INTS7: variants seen among roughly 807,000 people sequenced by gnomAD.
The protein encoded by INTS7 is chromosome 1 open reading frame 73.
Under a neutral mutation model 109.2 loss-of-function variants are expected in INTS7, and 46 were observed. The ratio of observed to expected loss-of-function variants is 0.42; its 90% CI spans 0.33 to 0.54. The LOEUF (loss-of-function observed/expected upper bound fraction) is 0.54. Ranked by LOEUF, INTS7 falls within the 20% of genes least tolerant of loss-of-function variation. INTS7 has a pLI of 0.07. For synonymous variants in INTS7, 412 were observed against 402.9 expected (o/e 1.02, Z -0.27); for missense variants, 929 against 1,132.4 (o/e 0.82, Z 2.58).
intron 15 of INTS7, 111 bp from the exon 16 acceptor site, chr1:211,966,609 C>A: frequency 1.5e-6 from 1 of 677,494 alleles, no homozygotes; most frequent in South Asian, 1.7e-5. Flanking sequence ...TGAAGGTAAT[C>A]ATAATGTTAT....
At chr1:212,017,122 T>C in intron 3 of INTS7, 99 bp from the exon 4 acceptor site, 3 of 889,928 alleles carry the variant, frequency 3.4e-6, no homozygotes, top group Non-Finnish European at 5.0e-6. Flanking sequence ...AACTAAAGTT[T>C]ATAGGTAATT....
At position 211,941,710 on chromosome 1, in the gene INTS7, T is replaced by C; in HGVS notation, c.*114A>G. 1 of 1,443,692 alleles carries C rather than the reference T, an allele frequency of 6.9e-7. No homozygotes were observed. Among genetic ancestry groups the C allele is most frequent in the South Asian group, 1.4e-5 (1 of 71,806 alleles). The allele number at this position is 1,443,692 out of a possible 1,614,324, so 89.4% of individuals were successfully genotyped here. A position where few individuals can be genotyped will look rare whatever the true frequency, so the allele number is the denominator to read the frequency against. ...TTTCCAGAATATTACATTACAAAAA[T>C]CAATGAATAAATGAACTACACTGTA... On this transcript the variant is annotated 3_prime_UTR_variant, in exon 20 of 20. Transcript: ENST00000366994.
At chr1:211,958,613 C>T (rs1055831223) in intron 16 of INTS7, among the ~76,000 whole-genome samples, 2 of 152,092 alleles carry the variant, frequency 1.3e-5, no homozygotes, top group South Asian at 2.1e-4. Flanking sequence ...TTCTGTTCCC[C>T]CTTTCCCTCT....
chr1:212,034,809 C>CAGAA (rs1667348679), intron 1 of INTS7, among the ~76,000 whole-genome samples: 1 of 152,184 alleles, frequency 6.6e-6, no homozygotes. Flanking sequence ...CAAGCTGCTC[C>CAGAA]CTGTACGGCA....
In INTS7 at chr1:212,020,642, G is replaced by A. The variant is rs965167818; in HGVS notation, c.225-374C>T. 46 of 549,580 alleles carry A rather than the reference G, an allele frequency of 8.4e-5. No individual in the cohort carries two copies. In the African/African-American group the frequency reaches 9.4e-4, roughly 11 times the overall value. 34.0% of individuals were successfully genotyped at this position (549,580 alleles called of 1,614,324 possible). ...GTATTGTGTGCATATGAGCACGAGT[G>A]CATGGAGAATGGCAGAAAGCAGCAG... On this transcript the variant is annotated intron_variant, in intron 2 of 19. Coordinates refer to ENST00000366994, the MANE Select transcript of INTS7 (RefSeq NM_015434.4).
intron 7 of INTS7, among the ~76,000 whole-genome samples, chr1:211,991,560 G>A (rs1276666619): frequency 6.6e-6 from 1 of 152,202 alleles, no homozygotes; most frequent in Non-Finnish European, 1.5e-5. Context: ...ACATGAATGT[G>A]TTGGCATTTA....
chr1:211,996,011 G>T (rs986770859), intron 7 of INTS7, among the ~76,000 whole-genome samples: 5 of 152,194 alleles, frequency 3.3e-5, no homozygotes, highest in Non-Finnish European at 5.9e-5. Context: ...ATAAACTGGA[G>T]TGAGAAACTA....
intron 13 of INTS7, among the ~76,000 whole-genome samples, chr1:211,970,061 T>C (rs1357649947): frequency 6.6e-6 from 1 of 152,140 alleles, no homozygotes; most frequent in African/African-American, 2.4e-5. Flanking sequence ...TCTCACTATG[T>C]TGCTCAGGCT....
intron 7 of INTS7, among the ~76,000 whole-genome samples, chr1:211,998,061 C>T (rs564950859): frequency 2.0e-5 from 3 of 152,246 alleles, no homozygotes; most frequent in Non-Finnish European, 2.9e-5. Flanking sequence ...TGGCCTCAAG[C>T]GATCCCGCCA....
chr1:211,968,773 C>T, intron 13 of INTS7, 66 bp from the exon 14 acceptor site: 2 of 1,272,362 alleles, frequency 1.6e-6, no homozygotes, highest in Non-Finnish European at 1.1e-6. Flanking sequence ...GGGGCAGTAC[C>T]AAGTATTTAT....
At position 212,034,042 on chromosome 1, in the gene INTS7, C is replaced by CA. The variant is rs574470314; in HGVS notation, c.94+1301dup. On this transcript the variant is annotated intron_variant, in intron 1 of 19. Transcript: ENST00000366994. ...AGGTTGCAGTGAGCCGAGATGGCGC[C>CA]ACTGCACTCTAGCCTGGGCAACAGA... Among the ~76,000 whole-genome samples, 195 of 151,874 alleles carry CA rather than the reference C, an allele frequency of 1.3e-3. 1 individual carries two copies. The highest frequency in any genetic ancestry group is 0.01 in the Middle Eastern group (3 of 294).
intron 10 of INTS7, among the ~76,000 whole-genome samples, chr1:211,979,760 G>A (rs528497517): frequency 9.9e-5 from 15 of 152,234 alleles, no homozygotes; most frequent in African/African-American, 3.6e-4. Context: ...CAGTCATTGG[G>A]CTCAAACAAT....
In INTS7 at chr1:211,941,514, T is replaced by C. The variant is rs1662627572; in HGVS notation, c.*310A>G. 1 of 267,102 alleles carries C rather than the reference T, an allele frequency of 3.7e-6. No individual in the cohort carries two copies. Among genetic ancestry groups the C allele is most frequent in the Non-Finnish European group, 7.1e-6 (1 of 140,716 alleles). 16.5% of individuals were successfully genotyped at this position (267,102 alleles called of 1,614,324 possible). On this transcript the variant is annotated 3_prime_UTR_variant, in exon 20 of 20. Transcript: ENST00000366994. ...CTGGGACTACAGGCGCCTGCCACCATGCTTGGCTAATTTTTTTGTATTTTT... is the reference window on the plus strand; with the variant it reads ...CTGGGACTACAGGCGCCTGCCACCACGCTTGGCTAATTTTTTTGTATTTTT...
At chr1:212,007,488 C>G (rs1325352666) in intron 5 of INTS7, 39 bp from the exon 6 acceptor site, 23 of 1,481,398 alleles carry the variant, frequency 1.6e-5, no homozygotes, top group Non-Finnish European at 2.2e-5. Flanking sequence ...TTGTGATCAC[C>G]ATCCTTAATA....
rs1664016306 is a variant in INTS7 at position 211,968,568 on chromosome 1, G to T, written c.1955C>A (p.Thr652Lys). The change falls in exon 14 of 20, where the codon ACA becomes AAA. Residue 652 changes from threonine (T) to lysine (K), a missense_variant. Coordinates refer to ENST00000366994, the MANE Select transcript of INTS7 (RefSeq NM_015434.4). ...KTSPPPAIAT[T>K]IAMTLGNDLQ... ...GTCATTTCCTAAGGTCATGGCAATTGTTGTGGCAATTGCAGGTGGTGGGCT... is the reference window on the plus strand; with the variant it reads ...GTCATTTCCTAAGGTCATGGCAATTTTTGTGGCAATTGCAGGTGGTGGGCT... 20 of 1,614,074 alleles carry T rather than the reference G, an allele frequency of 1.2e-5. No individual in the cohort carries two copies. The highest frequency in any genetic ancestry group is 1.3e-5 in the Non-Finnish European group (15 of 1,179,994).
intron 9 of INTS7, 66 bp downstream of exon 9, chr1:211,982,610 C>T: frequency 7.7e-7 from 1 of 1,301,900 alleles, no homozygotes; most frequent in Non-Finnish European, 1.0e-6. Flanking sequence ...AAAAAAAAAT[C>T]AAACAGAATT....
At chr1:212,012,777 T>A (rs3009989) in intron 4 of INTS7, among the ~76,000 whole-genome samples, 115,194 of 151,584 alleles carry the variant, frequency 0.76, 44,146 homozygotes, top group South Asian at 0.8. Context: ...ACCAGTAATT[T>A]TGCAGAGTGA....
intron 4 of INTS7, among the ~76,000 whole-genome samples, chr1:212,015,174 C>G (rs1377608494): frequency 6.7e-6 from 1 of 149,236 alleles, no homozygotes; most frequent in Non-Finnish European, 1.5e-5. Flanking sequence ...AGTGAGGAGC[C>G]CCTCTGCCCA....
chr1:212,028,073 C>T lies in INTS7; in HGVS notation c.95-6861G>A, dbSNP rs148369524. On this transcript the variant is annotated intron_variant, in intron 1 of 19. Coordinates refer to ENST00000366994, the MANE Select transcript of INTS7 (RefSeq NM_015434.4). ...AACTCCCAACCTCAGGTGATCCTCC[C>T]GCCTCAGCCTCCCAAAGTACTAGGA... Among the ~76,000 whole-genome samples the T allele has an allele frequency of 3.7e-3, 569 of 152,258 alleles. 5 individuals carry two copies. Among genetic ancestry groups the T allele is most frequent in the African/African-American group, 0.013 (532 of 41,550 alleles).
Sources: gnomAD v4.1 joint callset for allele counts (sites outside exome capture counted in the v4.1 genomes callset) on GRCh38, gnomAD v4.1.1 for gene constraint, MANE v1.5 for transcripts, NCBI Gene and HGNC (gene_info 2026-07-23, HGNC 2026-07-21) for gene names.